The following PACRG variants were observed in gnomAD, a reference collection of about 807,000 sequenced individuals.
PACRG encodes the protein parkin coregulated gene protein.
In PACRG, 29 loss-of-function variants were observed where a neutral mutation model predicts 29.7. The observed-to-expected ratio is 0.98, with a 90% CI of 0.73 to 1.33. PACRG has a LOEUF of 1.33. PACRG is among the 40% of genes most tolerant of loss of function. The pLI is 0.00. For missense variants in PACRG, 279 were observed against 316.2 expected, an observed-to-expected ratio of 0.88 and a Z score of 0.89; for synonymous variants, 116 against 118.7, an observed-to-expected ratio of 0.98 and a Z score of 0.15.
rs58806390 is a variant in PACRG, at chr6:162,754,415, G to T, written c.156+26024G>T. On this transcript the variant is annotated intron_variant, in intron 1 of 4. Transcript: ENST00000366888. The stretch of plus-strand genomic sequence containing the variant: ...AATATTGTCTCCCATTCTGTGGGTT[G>T]TCTCTTCGGTTTGTTATTGTTTCCT... Among the ~76,000 whole-genome samples, 1,093 of 152,166 alleles carry T rather than the reference G, an allele frequency of 7.2e-3. 19 individuals carry two copies. Among genetic ancestry groups the T allele is most frequent in the African/African-American group, 0.025 (1,051 of 41,528 alleles).
chr6:162,751,153 AT>A (rs71546909), intron 1 of PACRG, among the ~76,000 whole-genome samples: 37 of 148,902 alleles, frequency 2.5e-4, no homozygotes, highest in South Asian at 8.4e-4. Flanking sequence ...TTTAGAAATG[AT>A]TTTTTTTTTT....
At chr6:162,807,999 G>A (rs1467576544) in intron 1 of PACRG, among the ~76,000 whole-genome samples, 1 of 151,982 alleles carries the variant, frequency 6.6e-6, no homozygotes, top group Non-Finnish European at 1.5e-5. Context: ...GGTATTATGA[G>A]CTCATTTTTG....
At chr6:162,919,631 G>A (rs143618740) in intron 2 of PACRG, among the ~76,000 whole-genome samples, 255 of 152,274 alleles carry the variant, frequency 1.7e-3, no homozygotes, top group African/African-American at 5.7e-3. Flanking sequence ...TTGTCAGGCT[G>A]CGGGTTCAAA....
intron 1 of PACRG, among the ~76,000 whole-genome samples, chr6:162,773,397 T>C (rs1190561198): frequency 2.0e-5 from 3 of 150,354 alleles, no homozygotes; most frequent in African/African-American, 7.4e-5. Context: ...ACTTTAAAAA[T>C]AGATGTAGAT....
intron 3 of PACRG, among the ~76,000 whole-genome samples, chr6:163,068,126 C>T (rs1186240082): frequency 6.6e-6 from 1 of 152,170 alleles, no homozygotes; most frequent in Non-Finnish European, 1.5e-5. Context: ...CTTCCTGTTA[C>T]TCCTTTTTTA....
intron 2 of PACRG, among the ~76,000 whole-genome samples, chr6:162,908,376 A>C (rs1235347750): frequency 1.3e-5 from 2 of 152,236 alleles, no homozygotes; most frequent in African/African-American, 4.8e-5. Context: ...AAAGAAGCCC[A>C]ACCTAGCCTA....
chr6:163,030,290 CA>C (rs1191495638), intron 2 of PACRG, among the ~76,000 whole-genome samples: 4 of 152,128 alleles, frequency 2.6e-5, no homozygotes, highest in African/African-American at 9.7e-5. Flanking sequence ...CATACATATG[CA>C]TACCTTTTTA....
chr6:163,001,634 A>T (rs1804599585), intron 2 of PACRG, among the ~76,000 whole-genome samples: 1 of 152,122 alleles, frequency 6.6e-6, no homozygotes, highest in Non-Finnish European at 1.5e-5. Flanking sequence ...TTTCTCATTT[A>T]TACGGTATAA....
intron 2 of PACRG, among the ~76,000 whole-genome samples, chr6:162,947,539 TATAATC>T (rs1282984919): frequency 1.8e-4 from 20 of 111,340 alleles, no homozygotes; most frequent in African/African-American, 7.9e-4. Context: ...TATACTCATA[TATAATC>T]ATATATATAT....
chr6:163,309,687 G>C (rs1392451012), intron 4 of PACRG, among the ~76,000 whole-genome samples: 1 of 152,284 alleles, frequency 6.6e-6, no homozygotes, highest in Non-Finnish European at 1.5e-5. Context: ...AGAATGTTTG[G>C]TTCGTTGCCT....
At chr6:163,267,393 A>G (rs907463029) in intron 4 of PACRG, among the ~76,000 whole-genome samples, 8 of 152,352 alleles carry the variant, frequency 5.3e-5, no homozygotes, top group African/African-American at 1.9e-4. Context: ...GCCAACGTAC[A>G]AGAACAGAAG....
chr6:162,915,608 C>A (rs773391230), intron 2 of PACRG, among the ~76,000 whole-genome samples: 2 of 152,006 alleles, frequency 1.3e-5, no homozygotes, highest in Non-Finnish European at 2.9e-5. Flanking sequence ...CTGTTCCTCT[C>A]TCTGTCTCTC....
intron 1 of PACRG, among the ~76,000 whole-genome samples, chr6:162,808,039 A>G (rs1376384592): frequency 2.0e-5 from 3 of 152,190 alleles, no homozygotes; most frequent in African/African-American, 7.2e-5. Context: ...CTTCTATTAC[A>G]ATACAATTTT....
intron 1 of PACRG, among the ~76,000 whole-genome samples, chr6:162,731,201 T>C (rs1779741221): frequency 6.6e-6 from 1 of 152,184 alleles, no homozygotes; most frequent in Admixed American, 6.5e-5. Flanking sequence ...ACAAAACTTT[T>C]TGAGTGTTGA....
chr6:162,732,599 A>T (rs1490745862), intron 1 of PACRG, among the ~76,000 whole-genome samples: 1 of 152,212 alleles, frequency 6.6e-6, no homozygotes, highest in Non-Finnish European at 1.5e-5. Context: ...AAGGAGAGAG[A>T]CAAGTAAAAT....
intron 2 of PACRG, among the ~76,000 whole-genome samples, chr6:163,058,895 G>A (rs368347475): frequency 2.0e-4 from 30 of 149,004 alleles, no homozygotes; most frequent in East Asian, 9.9e-4. Context: ...GCGAGACTCC[G>A]TCTCAAAAAA....
At position 162,915,439 on chromosome 6, in the gene PACRG, A is replaced by G. The variant is rs148233756; in HGVS notation, c.291+101158A>G. 9.0e-4 allele frequency among the ~76,000 whole-genome samples: 137 copies of G among 152,180 alleles called. No homozygotes were observed. In the Middle Eastern group the frequency reaches 0.031, roughly 34 times the overall value. On this transcript the variant is annotated intron_variant, in intron 2 of 4. Coordinates refer to ENST00000366888, the MANE Select transcript of PACRG (RefSeq NM_001080379.2). ...AAAATTATTCCTAGCTTGTAAGCAT[A>G]ATAAAAAACACCAGGAGCCTGGCCA...
chr6:162,791,113 T>C (rs1426677834), intron 1 of PACRG, among the ~76,000 whole-genome samples: 1 of 152,226 alleles, frequency 6.6e-6, no homozygotes, highest in East Asian at 1.9e-4. Context: ...ATGTATGTGA[T>C]GCTTATAGTT....
intron 1 of PACRG, among the ~76,000 whole-genome samples, chr6:162,791,624 C>T (rs952884359): frequency 7.9e-5 from 12 of 152,254 alleles, no homozygotes; most frequent in African/African-American, 2.9e-4. Context: ...TAATGAATGT[C>T]ACTTGTCTTA....
Sources: allele counts gnomAD v4.1 joint callset (sites outside exome capture counted in the v4.1 genomes callset), GRCh38; gene constraint gnomAD v4.1.1; transcripts MANE v1.5; gene names NCBI Gene and HGNC (gene_info 2026-07-23, HGNC 2026-07-21).